ASXL2: variants seen among roughly 807,000 people sequenced by gnomAD.
ASXL2 encodes the protein ASXL transcriptional regulator 2, also known as putative Polycomb group protein ASXL2.
ASXL2 carries 23 observed loss-of-function variants against 122.0 expected under a neutral mutation model. The observed-to-expected ratio is 0.19, with a 90% CI of 0.14 to 0.27. The LOEUF is 0.27. Among genes scored for constraint, ASXL2 ranks in the 10% least tolerant of loss-of-function variants. The pLI, the probability that ASXL2 is intolerant of heterozygous loss-of-function variation, is 1.00. For synonymous variants in ASXL2, 650 were observed against 637.0 expected (o/e 1.02, Z -0.31); for missense variants, 1,518 against 1,713.8 (o/e 0.89, Z 2.02).
intron 11 of ASXL2, among the ~76,000 whole-genome samples, chr2:25,750,678 G>T (rs2088029149): frequency 6.6e-6 from 1 of 152,134 alleles, no homozygotes; most frequent in Non-Finnish European, 1.5e-5. Context: ...TGTACACTAG[G>T]TTTAATTACT....
At chr2:25,771,208 G>A (rs1314735328) in intron 6 of ASXL2, among the ~76,000 whole-genome samples, 1 of 152,194 alleles carries the variant, frequency 6.6e-6, no homozygotes, top group East Asian at 1.9e-4. Context: ...CTGTACTCCA[G>A]CCTGGCAACT....
intron 4 of ASXL2, among the ~76,000 whole-genome samples, chr2:25,805,391 A>G (rs901680911): frequency 6.6e-6 from 1 of 151,262 alleles, no homozygotes; most frequent in Non-Finnish European, 1.5e-5. Context: ...AATATTTATC[A>G]TTTTTACTAG....
intron 2 of ASXL2, among the ~76,000 whole-genome samples, chr2:25,836,602 T>G (rs918897467): frequency 1.1e-4 from 17 of 152,196 alleles, no homozygotes; most frequent in Non-Finnish European, 2.2e-4. Context: ...ACTAATCAGA[T>G]GTCATTAGGA....
In ASXL2 at chr2:25,749,726, T is replaced by G. The variant is rs751562371; in HGVS notation, c.1830A>C (p.Arg610Ser). Residue 610 changes from arginine (R) to serine (S), a missense_variant, in exon 12 of 13, where the codon AGA (arginine) becomes AGC (serine). Coordinates refer to ENST00000435504, the MANE Select transcript of ASXL2 (RefSeq NM_018263.6). The part of the protein sequence containing the change: ...SPQPFLNRGD[R>S]IQVRKVPPLK... ...GAGGTGGTACTTTTCGCACCTGGAT[T>G]CTGTCCCCTCTATTGAGAAAGGGCT... is the stretch of plus-strand genomic sequence containing the variant. 1 of 1,537,326 alleles carries G rather than the reference T, an allele frequency of 6.5e-7. No individual in the cohort carries two copies. Among genetic ancestry groups the G allele is most frequent in the Non-Finnish European group, 8.7e-7 (1 of 1,146,960 alleles).
intron 3 of ASXL2, among the ~76,000 whole-genome samples, chr2:25,828,321 A>G (rs1238846057): frequency 6.6e-6 from 1 of 151,866 alleles, no homozygotes; most frequent in Non-Finnish European, 1.5e-5. Flanking sequence ...CCTGACCAAC[A>G]TGGAGAAACC....
chr2:25,774,648 T>C (rs1384381766), intron 5 of ASXL2, among the ~76,000 whole-genome samples: 1 of 152,238 alleles, frequency 6.6e-6, no homozygotes, highest in Non-Finnish European at 1.5e-5. Context: ...CTGGGAATAT[T>C]AGGAATAGTA....
chr2:25,799,165 C>T (rs2088957520), intron 5 of ASXL2, among the ~76,000 whole-genome samples: 1 of 152,154 alleles, frequency 6.6e-6, no homozygotes, highest in Non-Finnish European at 1.5e-5. Flanking sequence ...AACCATATTT[C>T]AAGTATTCAA....
chr2:25,779,084 A>AT (rs33911748), intron 5 of ASXL2, among the ~76,000 whole-genome samples: 4,788 of 99,292 alleles, frequency 0.048, 330 homozygotes, highest in African/African-American at 0.12. Flanking sequence ...CTTTTTTCTG[A>AT]TTTTTTTTTT....
intron 5 of ASXL2, among the ~76,000 whole-genome samples, chr2:25,778,578 T>C (rs545406202): frequency 6.6e-6 from 1 of 152,346 alleles, no homozygotes; most frequent in African/African-American, 2.4e-5. Flanking sequence ...CAGATATTTA[T>C]ATATGTGAAA....
At chr2:25,753,662 T>C (rs769358282) in intron 10 of ASXL2, 23 bp from the exon 11 acceptor site, 5 of 1,550,976 alleles carry the variant, frequency 3.2e-6, no homozygotes, top group Non-Finnish European at 4.4e-6. Context: ...CAAAAAAGGA[T>C]ATTCAATAGA....
chr2:25,863,305 G>A (rs1213942617), intron 1 of ASXL2, among the ~76,000 whole-genome samples: 1 of 136,254 alleles, frequency 7.3e-6, no homozygotes, highest in Admixed American at 7.3e-5. Flanking sequence ...ACTCCAGCCT[G>A]GCAACAGAGC....
chr2:25,774,485 G>A (rs1477775466), intron 5 of ASXL2, among the ~76,000 whole-genome samples: 4 of 152,012 alleles, frequency 2.6e-5, no homozygotes, highest in Non-Finnish European at 5.9e-5. Context: ...TTGTGCAGCA[G>A]GAACTCTTTT....
chr2:25,838,165 T>C (rs768088871), intron 2 of ASXL2, among the ~76,000 whole-genome samples: 87 of 152,154 alleles, frequency 5.7e-4, no homozygotes, highest in Non-Finnish European at 1.1e-3. Flanking sequence ...TATTTTTATG[T>C]ATTACATAAA....
chr2:25,797,418 C>G (rs1469968407), intron 5 of ASXL2, among the ~76,000 whole-genome samples: 1 of 152,162 alleles, frequency 6.6e-6, no homozygotes, highest in Non-Finnish European at 1.5e-5. Flanking sequence ...GTACTCCAGC[C>G]TGGGCAACAG....
chr2:25,852,315 G>C (rs1398934276), intron 1 of ASXL2, among the ~76,000 whole-genome samples: 2 of 152,114 alleles, frequency 1.3e-5, no homozygotes, highest in East Asian at 3.8e-4. Context: ...TTAATAAAAA[G>C]GATTTAAAAA....
At chr2:25,802,254 A>T in intron 4 of ASXL2, among the ~76,000 whole-genome samples, 1 of 152,222 alleles carries the variant, frequency 6.6e-6, no homozygotes, top group South Asian at 2.1e-4. Flanking sequence ...CACATTTTTT[A>T]AAAGCAAAGA....
chr2:25,867,307 G>A (rs1363922441), intron 1 of ASXL2, among the ~76,000 whole-genome samples: 1 of 152,100 alleles, frequency 6.6e-6, no homozygotes, highest in Non-Finnish European at 1.5e-5. Context: ...AACTTCAGGA[G>A]GCTCGCAGAA....
intron 3 of ASXL2, among the ~76,000 whole-genome samples, chr2:25,814,944 A>G (rs1336450242): frequency 6.6e-6 from 1 of 152,224 alleles, no homozygotes; most frequent in Non-Finnish European, 1.5e-5. Flanking sequence ...TAGAGGTAAT[A>G]CTGCCTACTG....
intron 12 of ASXL2, among the ~76,000 whole-genome samples, chr2:25,747,217 G>C (rs1414640447): frequency 1.3e-5 from 2 of 152,152 alleles, no homozygotes; most frequent in Non-Finnish European, 2.9e-5. Flanking sequence ...ACTGTATAGG[G>C]AATGTAAAAC....
Sources: gnomAD v4.1 joint callset for allele counts (sites outside exome capture counted in the v4.1 genomes callset) on GRCh38, gnomAD v4.1.1 for gene constraint, MANE v1.5 for transcripts, NCBI Gene and HGNC (gene_info 2026-07-23, HGNC 2026-07-21) for gene names.